CACNA1E: variants seen among roughly 807,000 people sequenced by gnomAD.
CACNA1E encodes voltage-dependent R-type calcium channel subunit alpha-1E.
CACNA1E carries 40 observed loss-of-function variants against 259.2 expected under a neutral mutation model. That is an observed-to-expected ratio of 0.15 (90% CI 0.12 to 0.20). CACNA1E has a LOEUF of 0.20. CACNA1E is among the 10% of genes least tolerant of loss of function. The probability of loss-of-function intolerance (pLI) is 1.00; values close to 1 mark genes in which losing one functional copy is unlikely to be tolerated. For missense variants in CACNA1E, 1,874 were observed against 3,040.1 expected (o/e 0.62, Z 9.02); for synonymous variants, 1,104 against 1,138.5 (o/e 0.97, Z 0.61).
At chr1:181,488,559 C>A (rs1664050433) in intron 1 of CACNA1E, among the ~76,000 whole-genome samples, 1 of 152,074 alleles carries the variant, frequency 6.6e-6, no homozygotes, top group African/African-American at 2.4e-5. Flanking sequence ...GGAAACCAGG[C>A]CATGACTTGT....
At chr1:181,672,910 C>G (rs1172202207) in intron 7 of CACNA1E, among the ~76,000 whole-genome samples, 1 of 152,120 alleles carries the variant, frequency 6.6e-6, no homozygotes, top group Non-Finnish European at 1.5e-5. Context: ...GTCCTTCGGT[C>G]AGGGAGGAGT....
intron 6 of CACNA1E, among the ~76,000 whole-genome samples, chr1:181,597,944 A>C (rs1653362953): frequency 6.6e-6 from 1 of 152,200 alleles, no homozygotes; most frequent in Admixed American, 6.5e-5. Flanking sequence ...GACACGTGGG[A>C]ACTGTGGGAG....
At chr1:181,526,078 G>A (rs1572103227) in intron 3 of CACNA1E, among the ~76,000 whole-genome samples, 2 of 152,122 alleles carry the variant, frequency 1.3e-5, no homozygotes, top group Admixed American at 1.3e-4. Context: ...AGGCAGGGAG[G>A]GGAAGAATGG....
At chr1:181,532,023 T>G (rs1667826733) in intron 3 of CACNA1E, among the ~76,000 whole-genome samples, 1 of 151,992 alleles carries the variant, frequency 6.6e-6, no homozygotes, top group Non-Finnish European at 1.5e-5. Flanking sequence ...ACCGTTGCAC[T>G]CCAGCCTGGG....
At chr1:181,438,260 G>A (rs976780443) in intron 2 of CACNA1E, among the ~76,000 whole-genome samples, 1 of 152,182 alleles carries the variant, frequency 6.6e-6, no homozygotes, top group East Asian at 1.9e-4. Flanking sequence ...TTTCTTAGGA[G>A]TTTTGGTCTC....
chr1:181,552,947 T>C (rs553380917), intron 3 of CACNA1E, among the ~76,000 whole-genome samples: 35 of 152,354 alleles, frequency 2.3e-4, no homozygotes, highest in African/African-American at 7.7e-4. Context: ...CCTCCAGCTT[T>C]GTTCTTTTTG....
intron 3 of CACNA1E, among the ~76,000 whole-genome samples, chr1:181,552,408 C>T (rs904296046): frequency 1.3e-5 from 2 of 152,118 alleles, no homozygotes; most frequent in Middle Eastern, 3.4e-3. Flanking sequence ...CTAGAGGCCT[C>T]CCTGCAGGTG....
At chr1:181,669,110 TAAAC>T (rs1159146271) in intron 7 of CACNA1E, 1 of 152,234 alleles carries the variant, frequency 6.6e-6, no homozygotes, top group African/African-American at 2.4e-5. Flanking sequence ...AGGAAAAAAA[TAAAC>T]AACAAAACTA....
At chr1:181,429,267 G>A (rs1283679365) in intron 2 of CACNA1E, among the ~76,000 whole-genome samples, 1 of 152,140 alleles carries the variant, frequency 6.6e-6, no homozygotes, top group Non-Finnish European at 1.5e-5. Flanking sequence ...CACCTCTCTG[G>A]GCCCTTTTTA....
intron 1 of CACNA1E, among the ~76,000 whole-genome samples, chr1:181,508,832 T>C (rs572898564): frequency 2.2e-4 from 34 of 152,282 alleles, no homozygotes; most frequent in African/African-American, 7.7e-4. Flanking sequence ...ACTTTCCATG[T>C]GGGGAGGCTC....
chr1:181,573,746 T>A (rs551561152), intron 3 of CACNA1E, among the ~76,000 whole-genome samples: 1 of 152,314 alleles, frequency 6.6e-6, no homozygotes, highest in East Asian at 1.9e-4. Flanking sequence ...GAACCAGAAA[T>A]ACCATTTGAC....
At chr1:181,585,736 G>T (rs1320553056) in intron 6 of CACNA1E, among the ~76,000 whole-genome samples, 3 of 152,200 alleles carry the variant, frequency 2.0e-5, no homozygotes, top group Non-Finnish European at 4.4e-5. Context: ...AGATAGCTGG[G>T]CCAGCAAGTG....
chr1:181,566,900 G>T (rs1445756282), intron 3 of CACNA1E, among the ~76,000 whole-genome samples: 4 of 152,062 alleles, frequency 2.6e-5, no homozygotes, highest in Admixed American at 2.6e-4. Context: ...GGTTGTCATT[G>T]CTGGGTGAGG....
intron 3 of CACNA1E, among the ~76,000 whole-genome samples, chr1:181,544,802 C>T (rs1167503754): frequency 1.3e-5 from 2 of 152,214 alleles, no homozygotes; most frequent in African/African-American, 2.4e-5. Context: ...GTTTCAGAAT[C>T]TGTCATTTAC....
intron 1 of CACNA1E, among the ~76,000 whole-genome samples, chr1:181,500,387 A>G (rs482346): frequency 0.028 from 4,313 of 152,308 alleles, 129 homozygotes; most frequent in East Asian, 0.13. Context: ...CTCCATGTTC[A>G]GTGATATCAA....
intron 1 of CACNA1E, among the ~76,000 whole-genome samples, chr1:181,502,556 G>T (rs1382671621): frequency 1.3e-5 from 2 of 152,166 alleles, no homozygotes; most frequent in Non-Finnish European, 2.9e-5. Context: ...TTGCTGAGAG[G>T]CATTAGAAAG....
At chr1:181,658,805 C>T (rs1659417422) in intron 7 of CACNA1E, among the ~76,000 whole-genome samples, 1 of 152,132 alleles carries the variant, frequency 6.6e-6, no homozygotes, top group African/African-American at 2.4e-5. Context: ...CAATAGGGGC[C>T]TTATAGGCTG....
At chr1:181,617,473 C>T (rs537143361) in intron 6 of CACNA1E, among the ~76,000 whole-genome samples, 1 of 152,186 alleles carries the variant, frequency 6.6e-6, no homozygotes, top group African/African-American at 2.4e-5. Flanking sequence ...GTTTGTCCTG[C>T]AACAAGTGAA....
In CACNA1E at chr1:181,474,786, C is replaced by T. The variant is rs542198024; in HGVS notation, c.435-8958C>T. Among the ~76,000 whole-genome samples, 3 of 152,150 alleles carry T rather than the reference C, an allele frequency of 2.0e-5. No homozygotes were observed. The East Asian group carries it at 5.8e-4, about 29-fold the overall frequency. On this transcript the variant is annotated intron_variant, in intron 2 of 11. Transcript: ENST00000524607. ...CTGTTTCCTTTTAATAACTGATTCC[C>T]CAGATCTTATTTCAACTCCGTTTCT...
Sources: gnomAD v4.1 joint callset for allele counts (sites outside exome capture counted in the v4.1 genomes callset) on GRCh38, gnomAD v4.1.1 for gene constraint, MANE v1.5 for transcripts, NCBI Gene and HGNC (gene_info 2026-07-23, HGNC 2026-07-21) for gene names.